Variants in GTF2H1 observed in about 807,000 individuals in gnomAD.
GTF2H1 encodes the protein general transcription factor IIH subunit 1.
Under a neutral mutation model 71.2 loss-of-function variants are expected in GTF2H1, and 16 were observed. That is an observed-to-expected ratio of 0.22 (90% CI 0.15 to 0.34). The LOEUF is 0.34. Ranked by LOEUF, GTF2H1 falls within the 10% of genes least tolerant of loss-of-function variation. The probability of loss-of-function intolerance (pLI) is 1.00; values close to 1 mark genes in which losing one functional copy is unlikely to be tolerated. For missense variants in GTF2H1, 498 were observed against 648.2 expected (o/e 0.77, Z 2.52); for synonymous variants, 215 against 219.0 (o/e 0.98, Z 0.16).
At chr11:18,325,818 G>A (rs1161281337) in intron 1 of GTF2H1, 1 of 152,184 alleles carries the variant, frequency 6.6e-6, no homozygotes, top group Admixed American at 6.5e-5. Flanking sequence ...TATAGATCTT[G>A]CTATTTAAGG....
chr11:18,334,383 CAT>C (rs747450183), intron 2 of GTF2H1, among the ~76,000 whole-genome samples: 50 of 152,178 alleles, frequency 3.3e-4, no homozygotes, highest in African/African-American at 1.2e-3. Flanking sequence ...CAAAAAAAGA[CAT>C]ATATTTCTGA....
chr11:18,335,202 C>T (rs994975665), intron 2 of GTF2H1, among the ~76,000 whole-genome samples: 1 of 152,178 alleles, frequency 6.6e-6, no homozygotes, highest in Non-Finnish European at 1.5e-5. Flanking sequence ...GTGACATTCA[C>T]TTCCTGTTCC....
chr11:18,324,695 T>A (rs1233325113), intron 1 of GTF2H1, among the ~76,000 whole-genome samples: 17 of 152,342 alleles, frequency 1.1e-4, no homozygotes, highest in African/African-American at 3.8e-4. Flanking sequence ...CTTTCCTGCC[T>A]TCAGTGTGGC....
chr11:18,362,146 C>G (rs1410830913), intron 14 of GTF2H1, among the ~76,000 whole-genome samples: 1 of 152,122 alleles, frequency 6.6e-6, no homozygotes, highest in Non-Finnish European at 1.5e-5. Flanking sequence ...CCTGTTGCTC[C>G]TAGGCTACAA....
chr11:18,349,909 A>C (rs1014248537), intron 9 of GTF2H1, among the ~76,000 whole-genome samples: 1 of 152,200 alleles, frequency 6.6e-6, no homozygotes, highest in Non-Finnish European at 1.5e-5. Flanking sequence ...ATTACCTACT[A>C]TAAAGTGTAT....
chr11:18,330,798 T>TCGAA (rs1019332333), intron 1 of GTF2H1, among the ~76,000 whole-genome samples: 3 of 152,198 alleles, frequency 2.0e-5, no homozygotes, highest in African/African-American at 7.2e-5. Flanking sequence ...CAACAGACGT[T>TCGAA]CATCTTTGGA....
At chr11:18,341,439 T>C in intron 6 of GTF2H1, 29 bp downstream of exon 6, 2 of 1,611,714 alleles carry the variant, frequency 1.2e-6, no homozygotes, top group East Asian at 4.5e-5. Context: ...TAGACACTGG[T>C]ATTTAACTTG....
At chr11:18,356,946 A>G (rs563718826) in intron 11 of GTF2H1, among the ~76,000 whole-genome samples, 1 of 152,106 alleles carries the variant, frequency 6.6e-6, no homozygotes, top group East Asian at 1.9e-4. Context: ...ATGCACCACC[A>G]TGCCCAACTA....
chr11:18,336,901 C>CA (rs1865042497), intron 3 of GTF2H1, among the ~76,000 whole-genome samples: 1 of 152,014 alleles, frequency 6.6e-6, no homozygotes, highest in South Asian at 2.1e-4. Context: ...ATCACAGGCA[C>CA]ACGCCACCAC....
At chr11:18,337,477 A>G (rs1302517487) in intron 3 of GTF2H1, among the ~76,000 whole-genome samples, 1 of 152,044 alleles carries the variant, frequency 6.6e-6, no homozygotes, top group African/African-American at 2.4e-5. Flanking sequence ...TTGCTGGAAA[A>G]TTTCAAGCAT....
chr11:18,347,739 A>G lies in GTF2H1; in HGVS notation c.965+24A>G, dbSNP rs756465211. On this transcript the variant is annotated intron_variant, in intron 8 of 14. Transcript: ENST00000265963. ...CAGTTAAGTATAAATGCAGAGGTGC[A>G]GTAACTGGGCTTTTCAGGATATCCA... 10 of 1,609,432 alleles carry G rather than the reference A, an allele frequency of 6.2e-6. No individual in the cohort carries two copies. The Admixed American group carries it at 1.4e-4, about 22-fold the overall frequency.
chr11:18,360,400 C>T (rs901540370), intron 13 of GTF2H1, among the ~76,000 whole-genome samples: 22 of 152,248 alleles, frequency 1.4e-4, no homozygotes, highest in Non-Finnish European at 3.1e-4. Context: ...GGATTACAGG[C>T]GTGAGCCACC....
chr11:18,349,412 G>A (rs191198107), intron 9 of GTF2H1, among the ~76,000 whole-genome samples: 100 of 152,318 alleles, frequency 6.6e-4, no homozygotes, highest in African/African-American at 2.4e-3. Flanking sequence ...GCCAGGAGCC[G>A]TGGCTCACAC....
intron 1 of GTF2H1, among the ~76,000 whole-genome samples, chr11:18,330,713 A>G (rs1046234099): frequency 6.6e-6 from 1 of 152,166 alleles, no homozygotes; most frequent in African/African-American, 2.4e-5. Context: ...CACACATTCT[A>G]ATTAGTATAC....
intron 1 of GTF2H1, among the ~76,000 whole-genome samples, chr11:18,323,919 T>TA (rs1192841618): frequency 6.6e-6 from 1 of 152,180 alleles, no homozygotes; most frequent in African/African-American, 2.4e-5. Flanking sequence ...GCAGGGAAGG[T>TA]AACCTCTAGT....
At chr11:18,364,388 T>C (rs1865773933) in intron 14 of GTF2H1, among the ~76,000 whole-genome samples, 1 of 152,050 alleles carries the variant, frequency 6.6e-6, no homozygotes, top group Non-Finnish European at 1.5e-5. Flanking sequence ...ACTGTCCACC[T>C]CCAAGGAAAC....
At position 18,351,872 on chromosome 11, in the gene GTF2H1, T is replaced by C. The variant is rs377234256; in HGVS notation, c.1054-9T>C. ...GACAAAATAAAAAGTACTGTGTTAATAATTATAGGCGAAATTACAAGAGTC... is the reference window on the plus strand; with the variant it reads ...GACAAAATAAAAAGTACTGTGTTAACAATTATAGGCGAAATTACAAGAGTC... On this transcript the variant is annotated splice_polypyrimidine_tract_variant and intron_variant, in intron 9 of 14. Transcript: ENST00000265963. 5 of 1,424,200 alleles carry C rather than the reference T, an allele frequency of 3.5e-6. No individual in the cohort carries two copies. In the African/African-American group the frequency reaches 7.1e-5, roughly 20 times the overall value. 88.2% of individuals were successfully genotyped at this position (1,424,200 alleles called of 1,614,324 possible).
At chr11:18,327,098 A>G (rs1181271147) in intron 1 of GTF2H1, among the ~76,000 whole-genome samples, 1 of 152,174 alleles carries the variant, frequency 6.6e-6, no homozygotes, top group Non-Finnish European at 1.5e-5. Context: ...TGTTTATTGT[A>G]AAGAATACTA....
At chr11:18,350,658 C>T (rs560504156) in intron 9 of GTF2H1, among the ~76,000 whole-genome samples, 1 of 152,134 alleles carries the variant, frequency 6.6e-6, no homozygotes, top group African/African-American at 2.4e-5. Flanking sequence ...CAATTTAAAA[C>T]GTTAAGTTTT....
Sources: gnomAD v4.1 joint callset for allele counts (sites outside exome capture counted in the v4.1 genomes callset) on GRCh38, gnomAD v4.1.1 for gene constraint, MANE v1.5 for transcripts, NCBI Gene and HGNC (gene_info 2026-07-23, HGNC 2026-07-21) for gene names.